Variants in SPOCK1 observed in about 807,000 individuals in gnomAD.
SPOCK1 encodes SPARC (osteonectin), cwcv and kazal like domains proteoglycan 1.
A neutral mutation model predicts 55.3 loss-of-function variants in SPOCK1; 23 were observed. That is an observed-to-expected ratio of 0.42 (90% CI 0.30 to 0.59). SPOCK1 has a LOEUF of 0.59. Ranked by LOEUF, SPOCK1 falls within the 20% of genes least tolerant of loss-of-function variation. The pLI, the probability that SPOCK1 is intolerant of heterozygous loss-of-function variation, is 0.22. For missense variants in SPOCK1, 499 were observed against 552.5 expected, an observed-to-expected ratio of 0.90 and a Z score of 0.97; for synonymous variants, 226 against 221.0, an observed-to-expected ratio of 1.02 and a Z score of -0.20.
At chr5:137,350,091 C>T (rs1410077749) in intron 2 of SPOCK1, among the ~76,000 whole-genome samples, 10 of 152,094 alleles carry the variant, frequency 6.6e-5, no homozygotes, top group Admixed American at 6.6e-4. Flanking sequence ...ACATGTTCCT[C>T]TAGCAGTTCA....
At chr5:137,242,945 G>T (rs1231788944) in intron 3 of SPOCK1, among the ~76,000 whole-genome samples, 1 of 152,092 alleles carries the variant, frequency 6.6e-6, no homozygotes, top group African/African-American at 2.4e-5. Context: ...AGAATACAAA[G>T]AAACTAATAA....
At chr5:137,430,783 T>C (rs907271301) in intron 2 of SPOCK1, among the ~76,000 whole-genome samples, 5 of 152,204 alleles carry the variant, frequency 3.3e-5, no homozygotes, top group African/African-American at 1.2e-4. Context: ...ATGTATACCG[T>C]AACTGACTGT....
chr5:137,131,848 T>C (rs1753885226), intron 4 of SPOCK1, among the ~76,000 whole-genome samples: 1 of 147,516 alleles, frequency 6.8e-6, no homozygotes, highest in African/African-American at 2.5e-5. Context: ...GGCGGGCGCC[T>C]GTAGTCCCAG....
intron 2 of SPOCK1, among the ~76,000 whole-genome samples, chr5:137,296,067 C>G (rs1450725393): frequency 6.6e-6 from 1 of 152,080 alleles, no homozygotes; most frequent in African/African-American, 2.4e-5. Flanking sequence ...TAAAAGAGAC[C>G]CTGAAGAGAC....
chr5:136,977,098 A>G lies in SPOCK1; in HGVS notation c.*1556T>C, dbSNP rs2429085. Reference sequence around the variant, plus strand: ...TGATTCTGATTAGGACACCCTGATAAATGAAAATCAGTGGCGGACAGTAGC... The same window carrying G: ...TGATTCTGATTAGGACACCCTGATAGATGAAAATCAGTGGCGGACAGTAGC... On this transcript the variant is annotated 3_prime_UTR_variant, in exon 11 of 11. Coordinates refer to ENST00000394945, the MANE Select transcript of SPOCK1 (RefSeq NM_004598.4). 120,258 of 152,088 alleles carry G rather than the reference A, an allele frequency of 0.79. 48,979 individuals are homozygous for G. Among genetic ancestry groups the G allele is most frequent in the Middle Eastern group, 0.9 (265 of 294 alleles). The allele number at this position is 152,088 out of a possible 1,614,324, so 9.4% of individuals were successfully genotyped here.
chr5:137,005,234 A>C (rs193088288), intron 6 of SPOCK1, among the ~76,000 whole-genome samples: 1 of 152,322 alleles, frequency 6.6e-6, no homozygotes, highest in African/African-American at 2.4e-5. Context: ...GTGTGAATCT[A>C]TAAAGATAGC....
At chr5:137,275,417 C>T (rs1318928961) in intron 2 of SPOCK1, among the ~76,000 whole-genome samples, 1 of 152,232 alleles carries the variant, frequency 6.6e-6, no homozygotes, top group Non-Finnish European at 1.5e-5. Context: ...CAGGGATTGG[C>T]AGAAGCAGTG....
At chr5:137,192,247 A>G (rs76453324) in intron 3 of SPOCK1, among the ~76,000 whole-genome samples, 3 of 151,400 alleles carry the variant, frequency 2.0e-5, no homozygotes, top group Admixed American at 6.6e-5. Flanking sequence ...AAAAAAAAAA[A>G]AAAAAAAAGA....
intron 4 of SPOCK1, among the ~76,000 whole-genome samples, chr5:137,120,131 G>A (rs895988042): frequency 2.6e-5 from 4 of 152,126 alleles, no homozygotes; most frequent in Non-Finnish European, 4.4e-5. Flanking sequence ...GCACCTTTAT[G>A]TGCTTCACCC....
chr5:136,992,801 A>G lies in SPOCK1; in HGVS notation c.590-201T>C, dbSNP rs77519901. 8.1e-4 allele frequency: 381 copies of G among 472,024 alleles called. 1 individual carries two copies. Among genetic ancestry groups the G allele is most frequent in the African/African-American group, 5.0e-3 (250 of 50,202 alleles). 29.2% of individuals were successfully genotyped at this position (472,024 alleles called of 1,614,324 possible). On this transcript the variant is annotated intron_variant, in intron 6 of 10. Transcript: ENST00000394945. Reference sequence around the variant, plus strand: ...AAAGAGAGCCTAGACCCCCAGGGCAAGCAGCCTTTGTTCAGAACTTGAATT... The same window carrying G: ...AAAGAGAGCCTAGACCCCCAGGGCAGGCAGCCTTTGTTCAGAACTTGAATT...
At chr5:137,197,689 T>C (rs1486797267) in intron 3 of SPOCK1, among the ~76,000 whole-genome samples, 1 of 152,214 alleles carries the variant, frequency 6.6e-6, no homozygotes, top group South Asian at 2.1e-4. Flanking sequence ...TGAGACGTAA[T>C]GTGGAATAGG....
rs554936947 is a variant in SPOCK1, at chr5:137,250,545, C to T, written c.232+16465G>A. On this transcript the variant is annotated intron_variant, in intron 3 of 10. Coordinates refer to ENST00000394945, the MANE Select transcript of SPOCK1 (RefSeq NM_004598.4). ...GTTCATAGAAGTGGGGGAAGCCCCA[C>T]TGCACAGCCTCCCTGAATGCTCCCT... 1.2e-4 allele frequency among the ~76,000 whole-genome samples: 18 copies of T among 152,330 alleles called. 1 individual carries two copies. In the South Asian group the frequency reaches 3.7e-3, roughly 32 times the overall value.
chr5:137,336,484 G>C (rs1249464800), intron 2 of SPOCK1, among the ~76,000 whole-genome samples: 1 of 152,202 alleles, frequency 6.6e-6, no homozygotes, highest in Non-Finnish European at 1.5e-5. Context: ...TTCCAGAGCT[G>C]TGGGACAGAC....
chr5:137,322,832 A>C (rs1247087211), intron 2 of SPOCK1, among the ~76,000 whole-genome samples: 1 of 152,220 alleles, frequency 6.6e-6, no homozygotes, highest in African/African-American at 2.4e-5. Flanking sequence ...TATAATAAAC[A>C]GGAATTTATT....
chr5:137,426,570 C>T (rs536661721), intron 2 of SPOCK1, among the ~76,000 whole-genome samples: 3 of 152,218 alleles, frequency 2.0e-5, no homozygotes, highest in South Asian at 2.1e-4. Flanking sequence ...TTCTATGGAA[C>T]GAATGTGGAT....
At chr5:137,140,966 G>A (rs1259129029) in intron 3 of SPOCK1, among the ~76,000 whole-genome samples, 1 of 151,748 alleles carries the variant, frequency 6.6e-6, no homozygotes, top group African/African-American at 2.4e-5. Flanking sequence ...CACCATGTTG[G>A]CCAGGCTGGT....
rs1295400800 is a variant in SPOCK1 at position 137,393,611 on chromosome 5, C to T, written c.186+104762G>A. ...CACATTAGAAAGGGAAGATCACAGA[C>T]AGCAGAGCAATAACATGGTCCCAAC... On this transcript the variant is annotated intron_variant, in intron 2 of 10. Coordinates refer to ENST00000394945, the MANE Select transcript of SPOCK1 (RefSeq NM_004598.4). Among the ~76,000 whole-genome samples the T allele has an allele frequency of 5.3e-5, 8 of 152,246 alleles. 1 individual carries two copies. The highest frequency in any genetic ancestry group is 5.2e-4 in the Admixed American group (8 of 15,286).
chr5:137,037,919 T>C (rs1232432754), intron 6 of SPOCK1, among the ~76,000 whole-genome samples: 1 of 151,994 alleles, frequency 6.6e-6, no homozygotes. Flanking sequence ...TAAATGGGAG[T>C]TGGTGGCAGA....
intron 2 of SPOCK1, among the ~76,000 whole-genome samples, chr5:137,269,660 T>A (rs1180344515): frequency 6.6e-6 from 1 of 152,212 alleles, no homozygotes; most frequent in East Asian, 1.9e-4. Context: ...TAAGTCACTC[T>A]GTGTCTGGGA....
Sources: gnomAD v4.1 joint callset for allele counts (sites outside exome capture counted in the v4.1 genomes callset) on GRCh38, gnomAD v4.1.1 for gene constraint, MANE v1.5 for transcripts, NCBI Gene and HGNC (gene_info 2026-07-23, HGNC 2026-07-21) for gene names.